The following CPNE8 variants were observed in gnomAD, a reference collection of about 807,000 sequenced individuals.
The protein encoded by CPNE8 is copine-8.
In CPNE8, 45 loss-of-function variants were observed where a neutral mutation model predicts 81.5. That is an observed-to-expected ratio of 0.55 (90% CI 0.44 to 0.71). CPNE8 has a LOEUF of 0.71. Ranked by LOEUF, CPNE8 falls within the 30% of genes least tolerant of loss-of-function variation. The pLI is 0.00. For missense variants in CPNE8, 594 were observed against 672.1 expected, an observed-to-expected ratio of 0.88 and a Z score of 1.28; for synonymous variants, 252 against 226.3, an observed-to-expected ratio of 1.11 and a Z score of -1.02.
intron 19 of CPNE8, among the ~76,000 whole-genome samples, chr12:38,663,511 T>C (rs1468074529): frequency 6.6e-6 from 1 of 151,916 alleles, no homozygotes; most frequent in African/African-American, 2.4e-5. Flanking sequence ...ATGTCAAATA[T>C]TGATAAGGAT....
chr12:38,684,598 G>T (rs1190110075), intron 16 of CPNE8, among the ~76,000 whole-genome samples: 1 of 152,086 alleles, frequency 6.6e-6, no homozygotes, highest in African/African-American at 2.4e-5. Context: ...TTAGCATTTT[G>T]TCCGTGTCCC....
At chr12:38,792,440 A>G (rs547736132) in intron 6 of CPNE8, among the ~76,000 whole-genome samples, 1 of 151,756 alleles carries the variant, frequency 6.6e-6, no homozygotes, top group South Asian at 2.1e-4. Context: ...GTATAAGAAT[A>G]TTATGAACAA....
At chr12:38,776,888 T>C (rs1054725959) in intron 6 of CPNE8, among the ~76,000 whole-genome samples, 3 of 152,168 alleles carry the variant, frequency 2.0e-5, no homozygotes, top group Non-Finnish European at 4.4e-5. Flanking sequence ...AAATCTACTG[T>C]GCTGCCAGTC....
intron 1 of CPNE8, among the ~76,000 whole-genome samples, chr12:38,903,072 A>G (rs1311468568): frequency 2.0e-5 from 3 of 152,220 alleles, no homozygotes; most frequent in Non-Finnish European, 4.4e-5. Context: ...AGATCCAACA[A>G]TACTCAAATA....
intron 10 of CPNE8, among the ~76,000 whole-genome samples, 164 bp from the exon 11 acceptor site, chr12:38,730,522 C>A (rs1054792431): frequency 2.0e-5 from 3 of 151,642 alleles, no homozygotes; most frequent in African/African-American, 7.3e-5. Context: ...TACATAATTA[C>A]ATTGTTCATT....
At chr12:38,732,066 T>C (rs78473657) in intron 10 of CPNE8, among the ~76,000 whole-genome samples, 1 of 151,846 alleles carries the variant, frequency 6.6e-6, no homozygotes, top group East Asian at 1.9e-4. Flanking sequence ...AGGAGGCTTA[T>C]ATAAACAGAG....
At chr12:38,851,362 T>C (rs1344116450) in intron 3 of CPNE8, among the ~76,000 whole-genome samples, 1 of 152,206 alleles carries the variant, frequency 6.6e-6, no homozygotes, top group Non-Finnish European at 1.5e-5. Context: ...AATAATTATT[T>C]TATATCACAA....
chr12:38,679,529 T>C, intron 16 of CPNE8: 1 of 945,334 alleles, frequency 1.1e-6, no homozygotes, highest in South Asian at 4.9e-5. Flanking sequence ...ATGAGTTTAT[T>C]GTGTGACTGT....
At chr12:38,800,136 G>C (rs1223691733) in intron 6 of CPNE8, among the ~76,000 whole-genome samples, 3 of 121,748 alleles carry the variant, frequency 2.5e-5, no homozygotes, top group East Asian at 2.3e-4. Flanking sequence ...CAGGAAGCTC[G>C]AACTGGGTGG....
chr12:38,892,621 C>T (rs1190273660), intron 1 of CPNE8, among the ~76,000 whole-genome samples: 2 of 152,162 alleles, frequency 1.3e-5, no homozygotes, highest in Non-Finnish European at 2.9e-5. Context: ...GCATACATGA[C>T]TCACAGTGTT....
chr12:38,787,972 G>A (rs374466840), intron 6 of CPNE8, among the ~76,000 whole-genome samples: 815 of 93,362 alleles, frequency 8.7e-3, no homozygotes, highest in Middle Eastern at 0.017. Context: ...AAGTCTCCCA[G>A]AAAAAAAAAA....
At chr12:38,667,512 A>T (rs1939083468) in intron 19 of CPNE8, among the ~76,000 whole-genome samples, 1 of 152,202 alleles carries the variant, frequency 6.6e-6, no homozygotes, top group South Asian at 2.1e-4. Context: ...TAAAGTACTG[A>T]CCACCATGTA....
intron 10 of CPNE8, among the ~76,000 whole-genome samples, chr12:38,738,674 G>A (rs192255192): frequency 8.1e-4 from 123 of 152,182 alleles, no homozygotes; most frequent in Middle Eastern, 3.4e-3. Flanking sequence ...TTCAGCCAGC[G>A]GGGGATTGGG....
In CPNE8 at chr12:38,693,807, G is replaced by A. The variant is rs3759139; in HGVS notation, c.993C>T (p.Tyr331=). 0.41 allele frequency: 660,384 copies of A among 1,611,136 alleles called. 142,175 individuals are homozygous for A. The highest frequency in any genetic ancestry group is 0.45 in the Non-Finnish European group (527,577 of 1,178,246). ...AGGCATTCAGTTGGTAAGGATTCATGTAGTGGAGGGAAGTGGGCTGAGCAG... is the reference window on the plus strand; with the variant it reads ...AGGCATTCAGTTGGTAAGGATTCATATAGTGGAGGGAAGTGGGCTGAGCAG... ...GNPAQPTSLH[Y]MNPYQLNAYG... The change falls in exon 15 of 20, where the codon TAC becomes TAT. Residue 331 remains tyrosine, a synonymous_variant. Coordinates refer to ENST00000331366, the MANE Select transcript of CPNE8 (RefSeq NM_153634.3).
At chr12:38,894,475 T>C (rs1158108079) in intron 1 of CPNE8, among the ~76,000 whole-genome samples, 1 of 152,146 alleles carries the variant, frequency 6.6e-6, no homozygotes, top group African/African-American at 2.4e-5. Flanking sequence ...AAATCAATTG[T>C]AATCAACTTT....
intron 10 of CPNE8, among the ~76,000 whole-genome samples, chr12:38,740,677 T>C (rs371888405): frequency 2.1e-4 from 32 of 152,356 alleles, no homozygotes; most frequent in South Asian, 1.9e-3. Flanking sequence ...GTTTTGTTTA[T>C]ATGCTGGATT....
chr12:38,807,610 A>G (rs1188556825), intron 6 of CPNE8, among the ~76,000 whole-genome samples: 2 of 151,730 alleles, frequency 1.3e-5, no homozygotes, highest in African/African-American at 4.8e-5. Context: ...TTCAAGATGG[A>G]TTAAAGACTT....
intron 1 of CPNE8, among the ~76,000 whole-genome samples, chr12:38,877,330 T>C (rs1348267217): frequency 6.6e-6 from 1 of 152,118 alleles, no homozygotes; most frequent in Non-Finnish European, 1.5e-5. Flanking sequence ...AAAATCTTTG[T>C]TTTTTATATA....
At chr12:38,675,356 AAC>A (rs1412501496) in intron 18 of CPNE8, among the ~76,000 whole-genome samples, 1 of 152,208 alleles carries the variant, frequency 6.6e-6, no homozygotes, top group African/African-American at 2.4e-5. Context: ...GGTTTTAGTG[AAC>A]ACAGAGTGTG....
Sources: allele counts gnomAD v4.1 joint callset (sites outside exome capture counted in the v4.1 genomes callset), GRCh38; gene constraint gnomAD v4.1.1; transcripts MANE v1.5; gene names NCBI Gene and HGNC (gene_info 2026-07-23, HGNC 2026-07-21).